KCNAB1: variants seen among roughly 807,000 people sequenced by gnomAD.
KCNAB1 encodes the protein voltage-gated potassium channel subunit beta-1.
KCNAB1 carries 35 observed loss-of-function variants against 64.6 expected under a neutral mutation model. The observed-to-expected ratio is 0.54, with a 90% CI of 0.41 to 0.72. KCNAB1 has a LOEUF of 0.72. Ranked by LOEUF, KCNAB1 falls within the 30% of genes least tolerant of loss-of-function variation. KCNAB1 has a pLI of 0.00. For missense variants in KCNAB1, 401 were observed against 512.9 expected (o/e 0.78, Z 2.11); for synonymous variants, 177 against 183.8 (o/e 0.96, Z 0.30).
intron 1 of KCNAB1, among the ~76,000 whole-genome samples, chr3:156,243,305 A>C (rs184801689): frequency 6.6e-6 from 1 of 151,502 alleles, no homozygotes; most frequent in South Asian, 2.1e-4. Flanking sequence ...GCTCACTGCA[A>C]CCCCCACCTC....
chr3:156,495,812 C>G (rs922909714), intron 8 of KCNAB1, among the ~76,000 whole-genome samples: 7 of 152,172 alleles, frequency 4.6e-5, no homozygotes, highest in African/African-American at 1.7e-4. Context: ...TATGTGTTAA[C>G]TGTCATTTTT....
intron 1 of KCNAB1, among the ~76,000 whole-genome samples, chr3:156,137,235 G>A (rs1361548714): frequency 2.7e-5 from 4 of 150,484 alleles, no homozygotes; most frequent in Admixed American, 6.6e-5. Flanking sequence ...GGGGGGGATT[G>A]TTTTTATGCT....
intron 1 of KCNAB1, among the ~76,000 whole-genome samples, chr3:156,328,770 A>C (rs1430684322): frequency 6.6e-6 from 1 of 152,202 alleles, no homozygotes; most frequent in Non-Finnish European, 1.5e-5. Context: ...AGAAGCATTA[A>C]GGATTTCCTT....
At chr3:156,349,573 G>C (rs977432870) in intron 1 of KCNAB1, among the ~76,000 whole-genome samples, 1 of 151,740 alleles carries the variant, frequency 6.6e-6, no homozygotes, top group Non-Finnish European at 1.5e-5. Context: ...TCTCCTTCTT[G>C]TTCTTTGAGA....
chr3:156,213,330 C>G (rs1118418), intron 1 of KCNAB1, among the ~76,000 whole-genome samples: 111,544 of 151,722 alleles, frequency 0.74, 41,293 homozygotes, highest in East Asian at 0.9. Flanking sequence ...GCAATTCTCT[C>G]CCTCAGCCTC....
At chr3:156,531,188 C>T (rs1718678490) in intron 12 of KCNAB1, among the ~76,000 whole-genome samples, 1 of 152,178 alleles carries the variant, frequency 6.6e-6, no homozygotes, top group South Asian at 2.1e-4. Flanking sequence ...CGCCTCTATG[C>T]ATTTGCATTT....
At chr3:156,157,254 TAATTCTG>T in intron 1 of KCNAB1, among the ~76,000 whole-genome samples, 1 of 152,210 alleles carries the variant, frequency 6.6e-6, no homozygotes, top group East Asian at 1.9e-4. Context: ...TTTTAAAATT[TAATTCTG>T]AACTCCTACT....
At chr3:156,317,970 G>A (rs1249631990) in intron 1 of KCNAB1, among the ~76,000 whole-genome samples, 2 of 152,178 alleles carry the variant, frequency 1.3e-5, no homozygotes, top group Non-Finnish European at 2.9e-5. Context: ...TAGGCAGGTA[G>A]TTAGATATCT....
intron 2 of KCNAB1, among the ~76,000 whole-genome samples, chr3:156,429,985 T>C (rs192051705): frequency 6.6e-6 from 1 of 152,256 alleles, no homozygotes; most frequent in Non-Finnish European, 1.5e-5. Context: ...GATGCATACA[T>C]ATTAAAAATG....
At chr3:156,265,517 C>T (rs537749107) in intron 1 of KCNAB1, among the ~76,000 whole-genome samples, 7 of 152,254 alleles carry the variant, frequency 4.6e-5, no homozygotes, top group East Asian at 1.9e-4. Context: ...TTCATGTGGA[C>T]GTGATTCTCC....
At chr3:156,243,262 TCG>T (rs1717273293) in intron 1 of KCNAB1, among the ~76,000 whole-genome samples, 1 of 151,854 alleles carries the variant, frequency 6.6e-6, no homozygotes, top group Non-Finnish European at 1.5e-5. Context: ...TCTCCCTCTG[TCG>T]CCCAGGCTGG....
Position 156,246,372 on chromosome 3 carries a change from G to A in KCNAB1, c.275+125486G>A, listed in dbSNP as rs571016132. Among the ~76,000 whole-genome samples, 13 of 152,244 alleles carry A rather than the reference G, an allele frequency of 8.5e-5. No individual in the cohort carries two copies. In the East Asian group the frequency reaches 9.7e-4, roughly 11 times the overall value. ...TGTAATCCCAGCACTTTGGGAGGCC[G>A]AGGAGGGCAGATCATGAGGTCAGGA... On this transcript the variant is annotated intron_variant, in intron 1 of 13. Transcript: ENST00000490337.
intron 1 of KCNAB1, among the ~76,000 whole-genome samples, chr3:156,218,786 C>G (rs1186442934): frequency 1.1e-5 from 1 of 92,642 alleles, no homozygotes; most frequent in Non-Finnish European, 2.1e-5. Flanking sequence ...CCCAGAACAG[C>G]AAAAAAAAAA....
At chr3:156,443,791 C>G (rs1417875443) in intron 2 of KCNAB1, among the ~76,000 whole-genome samples, 1 of 148,944 alleles carries the variant, frequency 6.7e-6, no homozygotes, top group East Asian at 2.0e-4. Flanking sequence ...CTATTCTTTA[C>G]TTGTAAATGG....
chr3:156,531,393 T>C lies in KCNAB1; in HGVS notation c.1082-16T>C. 1 of 1,593,082 alleles carries C rather than the reference T, an allele frequency of 6.3e-7. No homozygotes were observed. Among genetic ancestry groups the C allele is most frequent in the Non-Finnish European group, 8.6e-7 (1 of 1,160,776 alleles). ...GAAGTGCTTTGATAAACTGACCCAG[T>C]GTCCTCTCCTCCCAGCGTGGTGCCT... is the stretch of plus-strand genomic sequence containing the variant. On this transcript the variant is annotated splice_polypyrimidine_tract_variant and intron_variant, in intron 12 of 13. Transcript: ENST00000490337.
intron 8 of KCNAB1, among the ~76,000 whole-genome samples, chr3:156,494,318 CTGAT>C (rs1344412486): frequency 1.2e-4 from 19 of 152,032 alleles, no homozygotes; most frequent in Non-Finnish European, 1.2e-4. Flanking sequence ...TTTTGTTTGA[CTGAT>C]TGGGAAGCAT....
At chr3:156,369,600 C>T (rs1288859073) in intron 1 of KCNAB1, among the ~76,000 whole-genome samples, 1 of 152,218 alleles carries the variant, frequency 6.6e-6, no homozygotes, top group Non-Finnish European at 1.5e-5. Context: ...GAAGGAACTG[C>T]TAGCCTATCT....
chr3:156,149,576 C>T (rs1383740256), intron 1 of KCNAB1, among the ~76,000 whole-genome samples: 5 of 152,138 alleles, frequency 3.3e-5, no homozygotes, highest in Non-Finnish European at 7.4e-5. Flanking sequence ...ACAGTGCAAA[C>T]ATGATGTTCT....
Position 156,254,668 on chromosome 3 carries a change from C to T in KCNAB1, c.275+133782C>T, listed in dbSNP as rs145384000. Among the ~76,000 whole-genome samples the T allele has an allele frequency of 5.1e-3, 778 of 152,284 alleles. 6 individuals carry two copies. The highest frequency in any genetic ancestry group is 0.017 in the African/African-American group (727 of 41,572). On this transcript the variant is annotated intron_variant, in intron 1 of 13. Coordinates refer to ENST00000490337, the MANE Select transcript of KCNAB1 (RefSeq NM_172160.3). ...GCTCACAGTAGAAAATGTGACCTTTCGTTCTGTTTTATTTTCTTAACTGAG... is the reference window on the plus strand; with the variant it reads ...GCTCACAGTAGAAAATGTGACCTTTTGTTCTGTTTTATTTTCTTAACTGAG...
Sources: gnomAD v4.1 joint callset for allele counts (sites outside exome capture counted in the v4.1 genomes callset) on GRCh38, gnomAD v4.1.1 for gene constraint, MANE v1.5 for transcripts, NCBI Gene and HGNC (gene_info 2026-07-23, HGNC 2026-07-21) for gene names.